The following VWC2 variants were observed in gnomAD, a reference collection of about 807,000 sequenced individuals.
VWC2 encodes the protein von Willebrand factor C domain containing 2, also known as brorin.
A neutral mutation model predicts 29.8 loss-of-function variants in VWC2; 14 were observed. The observed-to-expected ratio is 0.47, with a 90% CI of 0.31 to 0.74. VWC2 has a LOEUF of 0.74. Among genes scored for constraint, VWC2 ranks in the 30% least tolerant of loss-of-function variants. VWC2 has a pLI of 0.05. For missense variants in VWC2, 457 were observed against 459.8 expected (o/e 0.99, Z 0.05); for synonymous variants, 213 against 199.0 (o/e 1.07, Z -0.59).
chr7:49,774,552 T>A (rs1019931706), intron 1 of VWC2, among the ~76,000 whole-genome samples: 4 of 152,182 alleles, frequency 2.6e-5, no homozygotes, highest in Non-Finnish European at 5.9e-5. Context: ...CCTCCCGCAC[T>A]GCACACCTTG....
chr7:49,789,067 CGTGA>C (rs200648668), intron 2 of VWC2, among the ~76,000 whole-genome samples: 3,736 of 131,482 alleles, frequency 0.028, 158 homozygotes, highest in African/African-American at 0.1. Flanking sequence ...TGTGTGGGTG[CGTGA>C]GTGTGTGAGA....
At chr7:49,903,043 T>C (rs1305599777) in intron 3 of VWC2, among the ~76,000 whole-genome samples, 2 of 152,076 alleles carry the variant, frequency 1.3e-5, no homozygotes, top group African/African-American at 2.4e-5. Context: ...ACTAGGGAAA[T>C]ACAAATTAAA....
intron 3 of VWC2, among the ~76,000 whole-genome samples, chr7:49,843,598 C>T (rs1046343187): frequency 3.9e-5 from 6 of 152,126 alleles, no homozygotes; most frequent in Non-Finnish European, 7.3e-5. Context: ...TTTGTATGTA[C>T]AGAAAGGTTT....
intron 2 of VWC2, among the ~76,000 whole-genome samples, chr7:49,801,733 G>A (rs975734387): frequency 2.6e-5 from 4 of 152,256 alleles, no homozygotes; most frequent in African/African-American, 7.2e-5. Flanking sequence ...CAGTGGAAGA[G>A]GACCTTGTGC....
At chr7:49,795,387 C>A (rs1788565967) in intron 2 of VWC2, among the ~76,000 whole-genome samples, 1 of 152,088 alleles carries the variant, frequency 6.6e-6, no homozygotes, top group Non-Finnish European at 1.5e-5. Context: ...GCTGTATGTG[C>A]CCTAGGTTCT....
chr7:49,809,750 A>G (rs1788959361), intron 3 of VWC2, among the ~76,000 whole-genome samples: 1 of 152,008 alleles, frequency 6.6e-6, no homozygotes, highest in Non-Finnish European at 1.5e-5. Flanking sequence ...TAATACATTA[A>G]TAATGTAAAT....
rs1467044386 is a variant in VWC2, at chr7:49,920,023, T to C, written c.*7838T>C. On this transcript the variant is annotated 3_prime_UTR_variant, in exon 4 of 4. Transcript: ENST00000340652. The stretch of plus-strand genomic sequence containing the variant: ...GCCAAGAAAGTAAATGTCTTTAAAA[T>C]AAACATAATGGTGTTTTTTTTTGGT... 2.6e-5 allele frequency: 4 copies of C among 152,128 alleles called. No individual in the cohort carries two copies. The highest frequency in any genetic ancestry group is 5.9e-5 in the Non-Finnish European group (4 of 68,004). The allele number at this position is 152,128 out of a possible 1,614,324, so 9.4% of individuals were successfully genotyped here. A position where few individuals can be genotyped will look rare whatever the true frequency, so the allele number is the denominator to read the frequency against.
intron 2 of VWC2, among the ~76,000 whole-genome samples, chr7:49,796,452 T>C (rs1430918273): frequency 6.6e-6 from 1 of 152,198 alleles, no homozygotes. Flanking sequence ...ATTAGACATG[T>C]CATGGTGGTC....
intron 2 of VWC2, among the ~76,000 whole-genome samples, chr7:49,782,438 G>A (rs1788198742): frequency 6.6e-6 from 1 of 152,056 alleles, no homozygotes; most frequent in Admixed American, 6.6e-5. Context: ...CAGCTTCTGG[G>A]ACTTTGAGGA....
chr7:49,837,087 A>G (rs1383105772), intron 3 of VWC2, among the ~76,000 whole-genome samples: 2 of 152,248 alleles, frequency 1.3e-5, no homozygotes, highest in Non-Finnish European at 2.9e-5. Flanking sequence ...TGTGGCAACT[A>G]TTGAAGTGAG....
At chr7:49,819,520 T>C (rs1789219396) in intron 3 of VWC2, among the ~76,000 whole-genome samples, 1 of 152,198 alleles carries the variant, frequency 6.6e-6, no homozygotes, top group Non-Finnish European at 1.5e-5. Flanking sequence ...CTTTATATTG[T>C]AGGGGAAAAA....
At chr7:49,819,028 A>G (rs1215899441) in intron 3 of VWC2, among the ~76,000 whole-genome samples, 2 of 152,082 alleles carry the variant, frequency 1.3e-5, no homozygotes, top group African/African-American at 2.4e-5. Context: ...CTTATCTCCT[A>G]ATAACTCAAT....
intron 3 of VWC2, among the ~76,000 whole-genome samples, chr7:49,834,410 A>C (rs1789610401): frequency 6.6e-6 from 1 of 152,232 alleles, no homozygotes; most frequent in Non-Finnish European, 1.5e-5. Flanking sequence ...GCTGGAAACA[A>C]GATACAAAAC....
chr7:49,853,040 C>T (rs1446514663), intron 3 of VWC2, among the ~76,000 whole-genome samples: 2 of 152,242 alleles, frequency 1.3e-5, no homozygotes, highest in Non-Finnish European at 2.9e-5. Flanking sequence ...AACAGCTGCA[C>T]CAAGGACAGA....
intron 3 of VWC2, among the ~76,000 whole-genome samples, chr7:49,910,297 T>C (rs1227282282): frequency 6.6e-6 from 1 of 152,222 alleles, no homozygotes; most frequent in Non-Finnish European, 1.5e-5. Flanking sequence ...CCAGTTGTTA[T>C]TCTGGAGTTT....
At chr7:49,814,781 G>A (rs969982704) in intron 3 of VWC2, among the ~76,000 whole-genome samples, 21 of 152,026 alleles carry the variant, frequency 1.4e-4, no homozygotes, top group Non-Finnish European at 2.1e-4. Flanking sequence ...GTTACACTGT[G>A]CCTCTTGAAC....
intron 3 of VWC2, among the ~76,000 whole-genome samples, chr7:49,854,322 C>T (rs1319818328): frequency 6.6e-6 from 1 of 152,198 alleles, no homozygotes; most frequent in Non-Finnish European, 1.5e-5. Flanking sequence ...AGTTTACAGT[C>T]CCACCAACAA....
At chr7:49,860,747 T>C (rs1790614671) in intron 3 of VWC2, among the ~76,000 whole-genome samples, 2 of 152,170 alleles carry the variant, frequency 1.3e-5, no homozygotes, top group Non-Finnish European at 2.9e-5. Flanking sequence ...AAAGATGTAA[T>C]TAAGTTAAAT....
intron 3 of VWC2, among the ~76,000 whole-genome samples, chr7:49,828,777 A>G (rs2128710883): frequency 6.6e-6 from 1 of 152,308 alleles, no homozygotes; most frequent in Non-Finnish European, 1.5e-5. Flanking sequence ...CTTTTCAAAT[A>G]TAAGCAACCA....
Sources: allele counts gnomAD v4.1 joint callset (sites outside exome capture counted in the v4.1 genomes callset), GRCh38; gene constraint gnomAD v4.1.1; transcripts MANE v1.5; gene names NCBI Gene and HGNC (gene_info 2026-07-23, HGNC 2026-07-21).